STK32B: variants seen among roughly 807,000 people sequenced by gnomAD.
STK32B encodes serine/threonine-protein kinase 32B.
A neutral mutation model predicts 52.6 loss-of-function variants in STK32B; 43 were observed. The ratio of observed to expected loss-of-function variants is 0.82; its 90% CI spans 0.64 to 1.05. The LOEUF is 1.05. Ranked by LOEUF, STK32B falls within the 50% of genes least tolerant of loss-of-function variation. The pLI, the probability that STK32B is intolerant of heterozygous loss-of-function variation, is 0.00. For synonymous variants in STK32B, 238 were observed against 204.3 expected, an observed-to-expected ratio of 1.17 and a Z score of -1.41; for missense variants, 621 against 534.6, an observed-to-expected ratio of 1.16 and a Z score of -1.59.
In STK32B at chr4:5,478,993, C is replaced by G. The variant is rs1718451395; in HGVS notation, c.1106+10923C>G. Among the ~76,000 whole-genome samples, 5 of 152,308 alleles carry G rather than the reference C, an allele frequency of 3.3e-5. No homozygotes were observed. In the South Asian group the frequency reaches 1.0e-3, roughly 32 times the overall value. On this transcript the variant is annotated intron_variant, in intron 11 of 11. Transcript: ENST00000282908. ...CTATGGCTCCTCCAAGTCAGACTCC[C>G]AGGCTGACAAGAGTTGGAGGTGGTG...
intron 3 of STK32B, among the ~76,000 whole-genome samples, chr4:5,327,778 G>A (rs1172358020): frequency 1.3e-5 from 2 of 152,176 alleles, no homozygotes; most frequent in African/African-American, 2.4e-5. Flanking sequence ...AGCCTCCCTA[G>A]TGAGAGAGCC....
intron 1 of STK32B, among the ~76,000 whole-genome samples, chr4:5,127,409 T>G (rs1331373824): frequency 6.6e-6 from 1 of 152,180 alleles, no homozygotes; most frequent in African/African-American, 2.4e-5. Flanking sequence ...ACAGAATTAA[T>G]TGCCCTGATT....
At position 5,358,703 on chromosome 4, in the gene STK32B, A is replaced by G. The variant is rs62297289; in HGVS notation, c.434+27310A>G. Among the ~76,000 whole-genome samples the G allele has an allele frequency of 2.5e-3, 339 of 137,768 alleles. 1 individual carries two copies. Among genetic ancestry groups the G allele is most frequent in the African/African-American group, 9.1e-3 (331 of 36,242 alleles). The allele number at this position is 137,768 out of a possible 152,430, so 90.4% of individuals were successfully genotyped here. A position where few individuals can be genotyped will look rare whatever the true frequency, so the allele number is the denominator to read the frequency against. On this transcript the variant is annotated intron_variant, in intron 4 of 11. Transcript: ENST00000282908. ...TGCCAGGACACATTCACACACATGC[A>G]CACACACACACACACACACAGGCAC...
intron 1 of STK32B, among the ~76,000 whole-genome samples, chr4:5,057,979 A>G (rs1018054681): frequency 9.9e-5 from 15 of 152,284 alleles, no homozygotes; most frequent in East Asian, 3.9e-4. Flanking sequence ...AACACACTCT[A>G]TTAGGCTGAG....
intron 6 of STK32B, among the ~76,000 whole-genome samples, chr4:5,434,665 G>C (rs1471807898): frequency 6.6e-6 from 1 of 152,102 alleles, no homozygotes; most frequent in African/African-American, 2.4e-5. Context: ...TCCCGAAATG[G>C]AGGTAGTACC....
chr4:5,401,890 C>T (rs1269007719), intron 5 of STK32B, among the ~76,000 whole-genome samples: 1 of 152,206 alleles, frequency 6.6e-6, no homozygotes, highest in Non-Finnish European at 1.5e-5. Flanking sequence ...CTGATCTTGG[C>T]TGGGCTTGCT....
At chr4:5,136,186 T>C (rs905884836) in intron 1 of STK32B, among the ~76,000 whole-genome samples, 29 of 152,158 alleles carry the variant, frequency 1.9e-4, no homozygotes. Context: ...GTTTTTGTTA[T>C]CAAGAAAGAA....
Position 5,469,611 on chromosome 4 carries a change from A to G in STK32B, c.1106+1541A>G, listed in dbSNP as rs941435008. 6.6e-6 allele frequency among the ~76,000 whole-genome samples: 1 copy of G among 152,172 alleles called. No individual in the cohort carries two copies. Among genetic ancestry groups the G allele is most frequent in the Non-Finnish European group, 1.5e-5 (1 of 68,022 alleles). The stretch of plus-strand genomic sequence containing the variant: ...AGTCCCAGTCGATGCTGGGGAGGCA[A>G]AGGAGGCAGCAGCCTTTCACTGACC... On this transcript the variant is annotated intron_variant, in intron 11 of 11. Transcript: ENST00000282908. This position sits in a 1 kb window ranked among gnomAD's most constrained non-coding sequence, Gnocchi z 4.7.
intron 4 of STK32B, among the ~76,000 whole-genome samples, chr4:5,363,303 C>T (rs1345226503): frequency 4.6e-5 from 7 of 152,150 alleles, no homozygotes; most frequent in African/African-American, 1.4e-4. Flanking sequence ...CCTATTATTT[C>T]GCTTTGGCTA....
At position 5,469,269 on chromosome 4, in the gene STK32B, A is replaced by G. The variant is rs572400137; in HGVS notation, c.1106+1199A>G. Among the ~76,000 whole-genome samples the G allele has an allele frequency of 1.6e-4, 25 of 152,298 alleles. No individual in the cohort carries two copies. Among genetic ancestry groups the G allele is most frequent in the Admixed American group, 1.2e-3 (18 of 15,304 alleles). On this transcript the variant is annotated intron_variant, in intron 11 of 11. Transcript: ENST00000282908. The surrounding 1 kb of genome is among the most constrained non-coding windows in gnomAD (Gnocchi z 4.7). Reference sequence around the variant, plus strand: ...TACAGGCCCTTATGCAATCCCCAGTATTCAACCGTTTTGGCTTTCAGCAGA... The same window carrying G: ...TACAGGCCCTTATGCAATCCCCAGTGTTCAACCGTTTTGGCTTTCAGCAGA...
At chr4:5,187,922 T>C (rs932118956) in intron 3 of STK32B, among the ~76,000 whole-genome samples, 1 of 152,114 alleles carries the variant, frequency 6.6e-6, no homozygotes, top group Non-Finnish European at 1.5e-5. Context: ...GGAAGCGTGG[T>C]TATTATACTC....
At chr4:5,174,125 C>T (rs1006700927) in intron 3 of STK32B, among the ~76,000 whole-genome samples, 20 of 152,052 alleles carry the variant, frequency 1.3e-4, no homozygotes, top group South Asian at 4.2e-4. Context: ...GATTGCAACC[C>T]CTGCCTTTTT....
At chr4:5,025,459 G>A in the STK32B span, among the ~76,000 whole-genome samples, 317 of 152,296 alleles carry the variant, frequency 2.1e-3, no homozygotes, top group African/African-American at 5.7e-3. Context: ...GACACCTGCA[G>A]CTCAGCTCTG....
At position 5,187,869 on chromosome 4, in the gene STK32B, A is replaced by T. The variant is rs889987586; in HGVS notation, c.260+19419A>T. Among the ~76,000 whole-genome samples the T allele has an allele frequency of 3.3e-5, 5 of 152,332 alleles. No individual in the cohort carries two copies. The South Asian group carries it at 1.0e-3, about 32-fold the overall frequency. On this transcript the variant is annotated intron_variant, in intron 3 of 11. Coordinates refer to ENST00000282908, the MANE Select transcript of STK32B (RefSeq NM_018401.3). ...AGGCCCAAAGCTAAGCCTCAAAAAT[A>T]ACAAGATGAGTAAGTGATGGATGCT... is the stretch of plus-strand genomic sequence containing the variant.
intron 3 of STK32B, among the ~76,000 whole-genome samples, chr4:5,239,220 C>A (rs996980924): frequency 6.6e-6 from 1 of 152,022 alleles, no homozygotes; most frequent in Non-Finnish European, 1.5e-5. Flanking sequence ...GGGTTTCATT[C>A]TGGGAGGCCA....
At chr4:5,159,762 TATATATGA>T (rs1202333285) in intron 2 of STK32B, among the ~76,000 whole-genome samples, 6 of 143,644 alleles carry the variant, frequency 4.2e-5, no homozygotes, top group Admixed American at 7.1e-5. Context: ...TATATGAATA[TATATATGA>T]ATATATGAAT....
chr4:5,193,117 G>A (rs1016396165), intron 3 of STK32B, among the ~76,000 whole-genome samples: 1 of 152,134 alleles, frequency 6.6e-6, no homozygotes, highest in East Asian at 1.9e-4. Context: ...GGGAATGAGG[G>A]CAGAGAGTAG....
intron 3 of STK32B, among the ~76,000 whole-genome samples, chr4:5,239,119 C>A (rs182638310): frequency 6.6e-6 from 1 of 152,108 alleles, no homozygotes; most frequent in South Asian, 2.1e-4. Flanking sequence ...GAGGTGAGAG[C>A]GTAGTGAAGG....
intron 1 of STK32B, among the ~76,000 whole-genome samples, chr4:5,053,237 G>C (rs972286658): frequency 6.6e-6 from 1 of 152,184 alleles, no homozygotes; most frequent in Non-Finnish European, 1.5e-5. Flanking sequence ...ATGGTGATAA[G>C]GGCATTGAGA....
Sources: allele counts gnomAD v4.1 joint callset (sites outside exome capture counted in the v4.1 genomes callset), GRCh38; gene constraint gnomAD v4.1.1; non-coding constraint Gnocchi (gnomAD v3.1); transcripts MANE v1.5; gene names NCBI Gene and HGNC (gene_info 2026-07-23, HGNC 2026-07-21).